SUGCT: variants seen among roughly 807,000 people sequenced by gnomAD.
The protein encoded by SUGCT is succinyl-CoA:glutarate CoA-transferase.
In SUGCT, 41 loss-of-function variants were observed where a neutral mutation model predicts 55.0. The ratio of observed to expected loss-of-function variants is 0.74; its 90% CI spans 0.58 to 0.97. SUGCT has a LOEUF of 0.97. Ranked by LOEUF, SUGCT falls within the 50% of genes least tolerant of loss-of-function variation. The probability of loss-of-function intolerance (pLI) is 0.00; values close to 1 mark genes in which losing one functional copy is unlikely to be tolerated. For missense variants in SUGCT, 568 were observed against 547.8 expected, an observed-to-expected ratio of 1.04 and a Z score of -0.37; for synonymous variants, 187 against 200.4, an observed-to-expected ratio of 0.93 and a Z score of 0.56.
intron 7 of SUGCT, among the ~76,000 whole-genome samples, chr7:40,242,143 A>G (rs1032838583): frequency 5.3e-5 from 8 of 151,636 alleles, no homozygotes; most frequent in Non-Finnish European, 7.4e-5. Flanking sequence ...TGGTACTTCC[A>G]GGTATGTTTT....
chr7:40,603,870 T>G (rs998701669), intron 12 of SUGCT, among the ~76,000 whole-genome samples: 1 of 152,252 alleles, frequency 6.6e-6, no homozygotes, highest in South Asian at 2.1e-4. Context: ...CATGCAAATC[T>G]GCTCATGTCA....
intron 12 of SUGCT, among the ~76,000 whole-genome samples, chr7:40,543,515 C>A (rs1327049161): frequency 2.6e-5 from 4 of 152,158 alleles, no homozygotes; most frequent in Non-Finnish European, 4.4e-5. Context: ...TTTGAAGAAC[C>A]CTGCCTTGCA....
At chr7:40,292,637 A>G (rs1203783138) in intron 8 of SUGCT, among the ~76,000 whole-genome samples, 7 of 152,180 alleles carry the variant, frequency 4.6e-5, no homozygotes, top group Non-Finnish European at 1.0e-4. Context: ...GCCTTCTGCT[A>G]AGTCTGTAGG....
chr7:40,507,363 G>C (rs1792666935), intron 12 of SUGCT, among the ~76,000 whole-genome samples: 1 of 152,078 alleles, frequency 6.6e-6, no homozygotes, highest in African/African-American at 2.4e-5. Flanking sequence ...ACCTCTAGGG[G>C]TCACTCTTCA....
At chr7:40,657,681 C>A (rs1204036467) in intron 12 of SUGCT, among the ~76,000 whole-genome samples, 3 of 152,030 alleles carry the variant, frequency 2.0e-5, no homozygotes, top group African/African-American at 2.4e-5. Context: ...ATTACAGGCA[C>A]CCGCCACTAG....
In SUGCT at chr7:40,223,051, A is replaced by C. The variant is rs201959431; in HGVS notation, c.485-14584A>C. Among the ~76,000 whole-genome samples the C allele has an allele frequency of 1.0e-4, 14 of 139,356 alleles. No homozygotes were observed. In the East Asian group the frequency reaches 2.5e-3, roughly 25 times the overall value. The allele number at this position is 139,356 out of a possible 152,430, so 91.4% of individuals were successfully genotyped here. ...CTTCCTTCCTTCCTTCCATCCATCC[A>C]CCCATCCTTCCATTTCTTTCTTTCT... On this transcript the variant is annotated intron_variant, in intron 6 of 13. Coordinates refer to ENST00000335693, the MANE Select transcript of SUGCT (RefSeq NM_001193313.2).
intron 13 of SUGCT, among the ~76,000 whole-genome samples, chr7:40,770,445 G>T (rs1789035479): frequency 6.6e-6 from 1 of 152,088 alleles, no homozygotes; most frequent in African/African-American, 2.4e-5. Context: ...GTACAAGATG[G>T]CATTTCGAGC....
At chr7:40,332,760 T>A (rs1411495890) in intron 9 of SUGCT, among the ~76,000 whole-genome samples, 4 of 152,134 alleles carry the variant, frequency 2.6e-5, no homozygotes, top group Non-Finnish European at 5.9e-5. Context: ...CTGTGTGTAG[T>A]GAATCTGTTA....
chr7:40,781,282 T>G (rs1040673204), intron 13 of SUGCT, among the ~76,000 whole-genome samples: 2 of 152,202 alleles, frequency 1.3e-5, no homozygotes, highest in Non-Finnish European at 2.9e-5. Flanking sequence ...TCCCTTGGAA[T>G]TAAAAGGACA....
the SUGCT span, among the ~76,000 whole-genome samples, chr7:40,989,606 A>T: frequency 1.7e-5 from 2 of 117,060 alleles, no homozygotes; most frequent in African/African-American, 5.7e-5. Context: ...CATCTCTACT[A>T]AAAAAAAAAA....
chr7:40,898,350 C>A, the SUGCT span, among the ~76,000 whole-genome samples: 1 of 152,128 alleles, frequency 6.6e-6, no homozygotes, highest in Admixed American at 6.5e-5. Flanking sequence ...AGGTCTGCGG[C>A]TTCGCTCCTG....
At position 40,448,985 on chromosome 7, in the gene SUGCT, AAG is replaced by A. The variant is rs150016898; in HGVS notation, c.817-286_817-285del. ...ATAGAGAGAGAGAGAGAGAGAGAGA[AAG>A]AGAGAGAGAGAGAGATCTATTCTGT... On this transcript the variant is annotated intron_variant, in intron 9 of 13. Transcript: ENST00000335693. Among the ~76,000 whole-genome samples, 26 of 121,406 alleles carry A rather than the reference AAG, an allele frequency of 2.1e-4. No individual in the cohort carries two copies. The South Asian group carries it at 4.4e-3, about 21-fold the overall frequency. The allele number at this position is 121,406 out of a possible 152,430, so 79.6% of individuals were successfully genotyped here.
rs1181762799 is a variant in SUGCT, at chr7:40,377,129, T to C, written c.816+60274T>C. 9.8e-4 allele frequency among the ~76,000 whole-genome samples: 2 copies of C among 2,042 alleles called. 1 individual carries two copies. Among genetic ancestry groups the C allele is most frequent in the African/African-American group, 3.6e-3 (2 of 556 alleles). The allele number at this position is 2,042 out of a possible 152,430, so 1.3% of individuals were successfully genotyped here. A position where few individuals can be genotyped will look rare whatever the true frequency, so the allele number is the denominator to read the frequency against. ...TTGGAAAGGAAATTTTCAGCCTTCC[T>C]CTTTCTTTCTTTCTTTCTTTCTTTC... On this transcript the variant is annotated intron_variant, in intron 9 of 13. Transcript: ENST00000335693.
intron 9 of SUGCT, among the ~76,000 whole-genome samples, chr7:40,324,252 AAT>A (rs61431155): frequency 2.5e-5 from 3 of 117,650 alleles, no homozygotes; most frequent in African/African-American, 1.1e-4. Flanking sequence ...TAAATAAATA[AAT>A]ATATATATAT....
chr7:40,586,743 T>A (rs1797403307), intron 12 of SUGCT, among the ~76,000 whole-genome samples: 1 of 152,206 alleles, frequency 6.6e-6, no homozygotes, highest in African/African-American at 2.4e-5. Context: ...ATAAGTAATT[T>A]GCTCAAAGGT....
chr7:40,151,271 A>G (rs970115928), intron 1 of SUGCT, among the ~76,000 whole-genome samples: 1 of 152,128 alleles, frequency 6.6e-6, no homozygotes, highest in South Asian at 2.1e-4. Context: ...AAAGAAACAA[A>G]GTTTTATCTT....
chr7:40,652,203 T>C (rs1425377284), intron 12 of SUGCT, among the ~76,000 whole-genome samples: 1 of 152,260 alleles, frequency 6.6e-6, no homozygotes, highest in African/African-American at 2.4e-5. Flanking sequence ...TCAGTATTTT[T>C]CAGTAAATAA....
chr7:40,140,981 G>T (rs866083118), intron 1 of SUGCT, among the ~76,000 whole-genome samples: 1 of 151,994 alleles, frequency 6.6e-6, no homozygotes, highest in South Asian at 2.1e-4. Flanking sequence ...TACGTGCATG[G>T]GGTGTTTTTC....
intron 1 of SUGCT, chr7:40,152,431 T>C (rs1314996390): frequency 6.0e-6 from 1 of 166,844 alleles, no homozygotes; most frequent in Admixed American, 6.0e-5. Flanking sequence ...TTTCAACTAT[T>C]GGAGCCAGCT....
Sources: gnomAD v4.1 joint callset for allele counts (sites outside exome capture counted in the v4.1 genomes callset) on GRCh38, gnomAD v4.1.1 for gene constraint, MANE v1.5 for transcripts, NCBI Gene and HGNC (gene_info 2026-07-23, HGNC 2026-07-21) for gene names.